The following CDK6 variants were observed in gnomAD, a reference collection of about 807,000 sequenced individuals.
The protein encoded by CDK6 is cyclin-dependent kinase 6.
Under a neutral mutation model 37.1 loss-of-function variants are expected in CDK6, and 6 were observed. That is an observed-to-expected ratio of 0.16 (90% CI 0.09 to 0.32). The LOEUF is 0.32. CDK6 is among the 10% of genes least tolerant of loss of function. The pLI is 1.00. For missense variants in CDK6, 224 were observed against 418.9 expected, an observed-to-expected ratio of 0.53 and a Z score of 4.06; for synonymous variants, 160 against 161.3, an observed-to-expected ratio of 0.99 and a Z score of 0.06.
rs1364429792 is a variant in CDK6, at chr7:92,833,189, C to T, written c.135G>A (p.Val45=). ...TGCCCTCCTCGCCGGTCTGCACCCG[C>T]ACGCGCTTCAACGCCACGAAACGGC... The part of the protein sequence containing the change: ...NGGRFVALKR[V]RVQTGEEGMP... Residue 45 remains valine, a synonymous_variant, in exon 2 of 8, where the codon GTG becomes GTA. Coordinates refer to ENST00000424848, the MANE Select transcript of CDK6 (RefSeq NM_001145306.2). The surrounding 1 kb of genome is among the most constrained non-coding windows in gnomAD (Gnocchi z 6.1). The T allele has an allele frequency of 1.2e-6, 2 of 1,609,568 alleles. No homozygotes were observed. The highest frequency in any genetic ancestry group is 1.7e-6 in the Non-Finnish European group (2 of 1,178,636).
rs539405522 is a variant in CDK6 at position 92,832,635 on chromosome 7, A to T, written c.233+456T>A. Among the ~76,000 whole-genome samples, 4 of 152,292 alleles carry T rather than the reference A, an allele frequency of 2.6e-5. No individual in the cohort carries two copies. In the East Asian group the frequency reaches 7.7e-4, roughly 29 times the overall value. On this transcript the variant is annotated intron_variant, in intron 2 of 7. Coordinates refer to ENST00000424848, the MANE Select transcript of CDK6 (RefSeq NM_001145306.2). ...CTGATTTACACTTGGCTCCACCCAT[A>T]AAGTTCCCACTGATTATCACACGGC...
chr7:92,629,427 G>C (rs573218147), intron 5 of CDK6, among the ~76,000 whole-genome samples: 126 of 152,148 alleles, frequency 8.3e-4, no homozygotes, highest in African/African-American at 2.9e-3. Flanking sequence ...GAAAGAGAGG[G>C]AGAGCAGAGG....
chr7:92,831,295 G>A (rs1015480976), intron 2 of CDK6, among the ~76,000 whole-genome samples: 2 of 152,202 alleles, frequency 1.3e-5, no homozygotes, highest in Non-Finnish European at 2.9e-5. Flanking sequence ...TAAGAATGGC[G>A]TAAGCTTTGT....
chr7:92,703,293 C>T (rs145285578), intron 4 of CDK6, among the ~76,000 whole-genome samples: 2 of 151,908 alleles, frequency 1.3e-5, no homozygotes, highest in South Asian at 2.1e-4. Context: ...CCTTGGTATG[C>T]GATGGGAGCT....
chr7:92,834,539 G>A lies in CDK6; in HGVS notation c.-367-849C>T, dbSNP rs1801592994. ...CGTCCCCCACGGGATCCCAAGGGTGGGAGAAAGGGGTGTTCGCCACAATTT... is the reference window on the plus strand; with the variant it reads ...CGTCCCCCACGGGATCCCAAGGGTGAGAGAAAGGGGTGTTCGCCACAATTT... On this transcript the variant is annotated intron_variant, in intron 1 of 7. Transcript: ENST00000424848. The surrounding 1 kb of genome is among the most constrained non-coding windows in gnomAD (Gnocchi z 4.6). Among the ~76,000 whole-genome samples the A allele has an allele frequency of 6.6e-6, 1 of 151,978 alleles. No individual in the cohort carries two copies. Among genetic ancestry groups the A allele is most frequent in the African/African-American group, 2.4e-5 (1 of 41,364 alleles).
chr7:92,771,893 T>A (rs1799726733), intron 3 of CDK6, among the ~76,000 whole-genome samples: 1 of 152,242 alleles, frequency 6.6e-6, no homozygotes, highest in Admixed American at 6.5e-5. Flanking sequence ...AATATTTCTG[T>A]TCTCTGGCTG....
At chr7:92,754,500 T>C (rs977331669) in intron 3 of CDK6, among the ~76,000 whole-genome samples, 11 of 152,184 alleles carry the variant, frequency 7.2e-5, no homozygotes, top group African/African-American at 2.4e-4. Flanking sequence ...ATTAGTTCAA[T>C]TGAGTAAGTT....
At chr7:92,619,523 T>C (rs2116487990) in intron 6 of CDK6, among the ~76,000 whole-genome samples, 1 of 151,764 alleles carries the variant, frequency 6.6e-6, no homozygotes, top group South Asian at 2.1e-4. Context: ...ATTAGGGTCT[T>C]CTGCTTGGCC....
intron 2 of CDK6, among the ~76,000 whole-genome samples, chr7:92,832,265 G>T (rs1034309633): frequency 1.3e-5 from 2 of 152,084 alleles, no homozygotes; most frequent in African/African-American, 4.8e-5. Context: ...TTTAATACTG[G>T]TTACCACACA....
At chr7:92,691,643 G>A (rs1462143862) in intron 4 of CDK6, among the ~76,000 whole-genome samples, 1 of 152,092 alleles carries the variant, frequency 6.6e-6, no homozygotes, top group Admixed American at 6.5e-5. Context: ...TCATATGCAA[G>A]CAATCCCTCA....
At chr7:92,680,149 C>T (rs1797299070) in intron 4 of CDK6, among the ~76,000 whole-genome samples, 1 of 151,398 alleles carries the variant, frequency 6.6e-6, no homozygotes, top group African/African-American at 2.4e-5. Context: ...GAATTAAATA[C>T]TGGCCAGGTG....
chr7:92,759,697 C>CAA lies in CDK6; in HGVS notation c.369+14997_369+14998dup, dbSNP rs61188860. Among the ~76,000 whole-genome samples, 445 of 74,068 alleles carry CAA rather than the reference C, an allele frequency of 6.0e-3. 1 individual carries two copies. Among genetic ancestry groups the CAA allele is most frequent in the African/African-American group, 0.018 (401 of 22,316 alleles). 48.6% of individuals were successfully genotyped at this position (74,068 alleles called of 152,430 possible). On this transcript the variant is annotated intron_variant, in intron 3 of 7. Transcript: ENST00000424848. ...TAGGATGGAACAACAGACTTTAAGG[C>CAA]AAAAAAAAAAAAAAAAAAAGAAAAA...
chr7:92,668,125 T>G (rs1253010247), intron 5 of CDK6, among the ~76,000 whole-genome samples: 1 of 152,236 alleles, frequency 6.6e-6, no homozygotes, highest in Non-Finnish European at 1.5e-5. Context: ...ATATTTCTAC[T>G]GTATCTTTTC....
intron 4 of CDK6, among the ~76,000 whole-genome samples, chr7:92,671,807 AT>A (rs955817132): frequency 4.6e-5 from 7 of 152,012 alleles, no homozygotes; most frequent in Admixed American, 3.9e-4. Context: ...GACCAAAAAA[AT>A]TTTTTTTAAA....
chr7:92,721,976 G>A (rs1749928324), intron 4 of CDK6, among the ~76,000 whole-genome samples: 1 of 152,146 alleles, frequency 6.6e-6, no homozygotes, highest in Non-Finnish European at 1.5e-5. Flanking sequence ...CTGGCATAGA[G>A]CATACTGGCT....
At chr7:92,830,592 A>G (rs1310833851) in intron 2 of CDK6, among the ~76,000 whole-genome samples, 2 of 152,216 alleles carry the variant, frequency 1.3e-5, no homozygotes, top group Admixed American at 1.3e-4. Context: ...AACTGTCCTT[A>G]TTTCCTGACC....
At chr7:92,619,946 T>C (rs1156383263) in intron 6 of CDK6, among the ~76,000 whole-genome samples, 1 of 152,162 alleles carries the variant, frequency 6.6e-6, no homozygotes, top group Non-Finnish European at 1.5e-5. Context: ...AGTGTCTGGA[T>C]ACAATGGGAC....
intron 2 of CDK6, among the ~76,000 whole-genome samples, chr7:92,805,433 A>C (rs892538858): frequency 6.6e-6 from 1 of 152,212 alleles, no homozygotes; most frequent in Non-Finnish European, 1.5e-5. Flanking sequence ...TCACTCTGAA[A>C]GCATGATTTT....
At chr7:92,654,994 C>T (rs992208609) in intron 5 of CDK6, among the ~76,000 whole-genome samples, 1 of 151,032 alleles carries the variant, frequency 6.6e-6, no homozygotes, top group African/African-American at 2.4e-5. Context: ...AGGCACGTGC[C>T]ACCATGCCTG....
Sources: allele counts gnomAD v4.1 joint callset (sites outside exome capture counted in the v4.1 genomes callset), GRCh38; gene constraint gnomAD v4.1.1; non-coding constraint Gnocchi (gnomAD v3.1); transcripts MANE v1.5; gene names NCBI Gene and HGNC (gene_info 2026-07-23, HGNC 2026-07-21).